The following ASXL2 variants were observed in gnomAD, a reference collection of about 807,000 sequenced individuals.
The protein encoded by ASXL2 is ASXL transcriptional regulator 2, also known as putative Polycomb group protein ASXL2.
A neutral mutation model predicts 122.0 loss-of-function variants in ASXL2; 23 were observed. The observed-to-expected ratio is 0.19, with a 90% CI of 0.14 to 0.27. ASXL2 has a LOEUF of 0.27. Ranked by LOEUF, ASXL2 falls within the 10% of genes least tolerant of loss-of-function variation. The pLI, the probability that ASXL2 is intolerant of heterozygous loss-of-function variation, is 1.00. For missense variants in ASXL2, 1,518 were observed against 1,713.8 expected (o/e 0.89, Z 2.02); for synonymous variants, 650 against 637.0 (o/e 1.02, Z -0.31).
intron 5 of ASXL2, among the ~76,000 whole-genome samples, chr2:25,773,986 C>T (rs1240725493): frequency 1.3e-5 from 2 of 151,828 alleles, no homozygotes; most frequent in Admixed American, 6.6e-5. Context: ...GCTGAGATCA[C>T]GCCACTGTAC....
intron 5 of ASXL2, 101 bp downstream of exon 5, chr2:25,799,284 A>C: frequency 6.6e-7 from 1 of 1,514,738 alleles, no homozygotes; most frequent in Non-Finnish European, 9.1e-7. Flanking sequence ...AGGGTAAGGG[A>C]AAGTGACTGA....
intron 3 of ASXL2, among the ~76,000 whole-genome samples, chr2:25,817,602 C>T (rs186633369): frequency 5.9e-5 from 9 of 151,982 alleles, no homozygotes; most frequent in South Asian, 4.2e-4. Context: ...GTAAATAGTC[C>T]GGAAATATAC....
At chr2:25,848,375 C>T (rs920826264) in intron 1 of ASXL2, among the ~76,000 whole-genome samples, 8 of 151,988 alleles carry the variant, frequency 5.3e-5, no homozygotes, top group African/African-American at 1.9e-4. Flanking sequence ...GTAATCCCAG[C>T]ACTTTGGGAG....
chr2:25,801,925 C>CCAA (rs1202031037), intron 4 of ASXL2, among the ~76,000 whole-genome samples: 3 of 152,166 alleles, frequency 2.0e-5, no homozygotes, highest in Admixed American at 6.6e-5. Flanking sequence ...CATCTACCAC[C>CCAA]CAACAACCCA....
chr2:25,739,408 T>C lies in ASXL2; in HGVS notation c.*2621A>G, dbSNP rs1188160739. The C allele has an allele frequency of 5.6e-6, 1 of 179,174 alleles. No individual in the cohort carries two copies. Among genetic ancestry groups the C allele is most frequent in the Non-Finnish European group, 1.2e-5 (1 of 83,686 alleles). 11.1% of individuals were successfully genotyped at this position (179,174 alleles called of 1,614,324 possible). A position where few individuals can be genotyped will look rare whatever the true frequency, so the allele number is the denominator to read the frequency against. Reference sequence around the variant, plus strand: ...TAATTTTTCTGTTCAGCTTTTAAGATGAATGGCTTTCCACTTGAAACCTCT... The same window carrying C: ...TAATTTTTCTGTTCAGCTTTTAAGACGAATGGCTTTCCACTTGAAACCTCT... On this transcript the variant is annotated 3_prime_UTR_variant, in exon 13 of 13. Coordinates refer to ENST00000435504, the MANE Select transcript of ASXL2 (RefSeq NM_018263.6).
Position 25,742,692 on chromosome 2 carries a change from G to A in ASXL2, c.3645C>T (p.His1215=). Residue 1215 remains histidine (H), a synonymous_variant, in exon 13 of 13, where the codon CAC becomes CAT. Coordinates refer to ENST00000435504, the MANE Select transcript of ASXL2 (RefSeq NM_018263.6). ...CACTGGTAGATAGAGTTTCCCTGCT[G>A]TGAGGTCCTGAACTTGTGTCACCCT... ...AGKGDTSSGP[H]SRETLSTSDC... is the part of the protein sequence containing the mutation. The A allele has an allele frequency of 6.2e-7, 1 of 1,613,992 alleles. No homozygotes were observed. The highest frequency in any genetic ancestry group is 1.1e-5 in the South Asian group (1 of 91,080).
rs964922914 is a variant in ASXL2, at chr2:25,736,879, C to A, written c.*5150G>T. ...GTTAAAAAATGGGCTATATACTTTT[C>A]TTTATAAAGACGATGTAGGCACCAT... On this transcript the variant is annotated 3_prime_UTR_variant, in exon 13 of 13. Transcript: ENST00000435504. 2.0e-5 allele frequency: 3 copies of A among 152,100 alleles called. No individual in the cohort carries two copies. Among genetic ancestry groups the A allele is most frequent in the African/African-American group, 7.2e-5 (3 of 41,420 alleles). The allele number at this position is 152,100 out of a possible 1,614,324, so 9.4% of individuals were successfully genotyped here.
chr2:25,871,433 TAGCAGCAGC>T (rs769624976), intron 1 of ASXL2, among the ~76,000 whole-genome samples: 23 of 151,994 alleles, frequency 1.5e-4, no homozygotes, highest in Middle Eastern at 3.4e-3. Context: ...GATGCAGGAG[TAGCAGCAGC>T]AGCAGCACCT....
At chr2:25,802,497 G>A (rs1295798654) in intron 4 of ASXL2, among the ~76,000 whole-genome samples, 1 of 152,080 alleles carries the variant, frequency 6.6e-6, no homozygotes, top group African/African-American at 2.4e-5. Flanking sequence ...GCTATTATTT[G>A]GTCCTTGATC....
At chr2:25,755,876 C>CGT in intron 10 of ASXL2, 142 bp downstream of exon 10, 1 of 680,532 alleles carries the variant, frequency 1.5e-6, no homozygotes, top group East Asian at 2.9e-5. Flanking sequence ...AGTTTAACAA[C>CGT]GTGTTCCACA....
intron 11 of ASXL2, among the ~76,000 whole-genome samples, chr2:25,752,061 C>T (rs1021151574): frequency 7.2e-5 from 11 of 152,106 alleles, no homozygotes; most frequent in Non-Finnish European, 1.3e-4. Flanking sequence ...TGTGAGCCAC[C>T]GCAACTGGCC....
At position 25,767,680 on chromosome 2, in the gene ASXL2, T is replaced by C. The variant is rs768283686; in HGVS notation, c.678A>G (p.Gln226=). ...KQSDGQTGSP[Q]NSNSSFSSSV... is the part of the protein sequence containing the mutation. ...AGGAAGAAAAGCTGGAGTTTGAGTTTTGAGGGCTGCCTGTCTGTCCATCAG... is the reference window on the plus strand; with the variant it reads ...AGGAAGAAAAGCTGGAGTTTGAGTTCTGAGGGCTGCCTGTCTGTCCATCAG... Residue 226 remains glutamine (Q), a synonymous_variant, in exon 8 of 13, where the codon CAA becomes CAG. Transcript: ENST00000435504. 6.2e-7 allele frequency: 1 copy of C among 1,613,992 alleles called. No individual in the cohort carries two copies. Among genetic ancestry groups the C allele is most frequent in the East Asian group, 2.2e-5 (1 of 44,866 alleles).
chr2:25,839,045 A>G (rs372300751), intron 2 of ASXL2, among the ~76,000 whole-genome samples: 3 of 152,316 alleles, frequency 2.0e-5, no homozygotes, highest in South Asian at 2.1e-4. Context: ...TCTCTACCCA[A>G]TGAATAATAT....
chr2:25,795,662 G>T (rs553117641), intron 5 of ASXL2, among the ~76,000 whole-genome samples: 1 of 152,080 alleles, frequency 6.6e-6, no homozygotes, highest in African/African-American at 2.4e-5. Flanking sequence ...CATGAATCTT[G>T]CTAATTGCTT....
Position 25,744,999 on chromosome 2 carries a change from A to G in ASXL2, c.1861-523T>C, listed in dbSNP as rs1407352575. Among the ~76,000 whole-genome samples, 1 of 150,882 alleles carries G rather than the reference A, an allele frequency of 6.6e-6. No homozygotes were observed. The highest frequency in any genetic ancestry group is 1.5e-5 in the Non-Finnish European group (1 of 67,802). ...CACACACTTGGGCTGGATTATCTCAAATTACACAGGCTTCTAGACAGCACT... is the reference window on the plus strand; with the variant it reads ...CACACACTTGGGCTGGATTATCTCAGATTACACAGGCTTCTAGACAGCACT... On this transcript the variant is annotated intron_variant, in intron 12 of 12. Coordinates refer to ENST00000435504, the MANE Select transcript of ASXL2 (RefSeq NM_018263.6). The surrounding 1 kb of genome is among the most constrained non-coding windows in gnomAD (Gnocchi z 4.7).
chr2:25,849,044 T>C (rs1487944976), intron 1 of ASXL2, among the ~76,000 whole-genome samples: 2 of 113,338 alleles, frequency 1.8e-5, no homozygotes, highest in Non-Finnish European at 3.8e-5. Context: ...AAACTCCGTC[T>C]CAAAAAAAAA....
Position 25,876,048 on chromosome 2 carries a change from C to T in ASXL2, c.57+2118G>A, listed in dbSNP as rs1005334985. On this transcript the variant is annotated intron_variant, in intron 1 of 12. Transcript: ENST00000435504. ...TCACTTATAGGTAATAAAATAACCC[C>T]CCAAAATTAAGAGTGTTTTCTAGAT... 2.6e-5 allele frequency among the ~76,000 whole-genome samples: 4 copies of T among 151,710 alleles called. No homozygotes were observed. In the East Asian group the frequency reaches 7.7e-4, roughly 29 times the overall value.
intron 1 of ASXL2, among the ~76,000 whole-genome samples, chr2:25,846,508 C>T (rs1301101977): frequency 3.3e-5 from 5 of 152,036 alleles, no homozygotes; most frequent in Admixed American, 2.0e-4. Context: ...ATTAGTCAGG[C>T]GTGGTGGTGA....
intron 4 of ASXL2, among the ~76,000 whole-genome samples, chr2:25,800,331 T>C (rs904197255): frequency 1.3e-5 from 2 of 152,094 alleles, no homozygotes; most frequent in African/African-American, 4.8e-5. Context: ...ATTAAATATA[T>C]GTATGTCCAT....
Sources: gnomAD v4.1 joint callset for allele counts (sites outside exome capture counted in the v4.1 genomes callset) on GRCh38, gnomAD v4.1.1 for gene constraint, Gnocchi (gnomAD v3.1) non-coding constraint, MANE v1.5 for transcripts, NCBI Gene and HGNC (gene_info 2026-07-23, HGNC 2026-07-21) for gene names.